Variants in SPRED1 observed in about 807,000 individuals in gnomAD.
The protein encoded by SPRED1 is sprouty related EVH1 domain containing 1, also known as sprouty-related, EVH1 domain-containing protein 1.
In SPRED1, 18 loss-of-function variants were observed where a neutral mutation model predicts 52.3. That is an observed-to-expected ratio of 0.34 (90% confidence interval 0.24 to 0.51). The LOEUF (loss-of-function observed/expected upper bound fraction) is 0.51, where lower values mean the gene tolerates loss of function less well. Among genes scored for constraint, SPRED1 ranks in the 20% least tolerant of loss-of-function variants. The pLI is 0.97. For missense variants in SPRED1, 485 were observed against 551.0 expected, an observed-to-expected ratio of 0.88 and a Z score of 1.20; for synonymous variants, 155 against 179.7, an observed-to-expected ratio of 0.86 and a Z score of 1.10.
intron 2 of SPRED1, among the ~76,000 whole-genome samples, chr15:38,311,401 T>C (rs952037505): frequency 3.3e-5 from 5 of 152,198 alleles, no homozygotes; most frequent in African/African-American, 1.2e-4. Context: ...CTTGGTACTG[T>C]TTTTGTTTAA....
At position 38,351,700 on chromosome 15, in the gene SPRED1, T is replaced by A; in HGVS notation, c.*36T>A. The A allele has an allele frequency of 6.2e-7, 1 of 1,603,948 alleles. No individual in the cohort carries two copies. Among genetic ancestry groups the A allele is most frequent in the Middle Eastern group, 1.7e-4 (1 of 6,030 alleles). Reference sequence around the variant, plus strand: ...TGCCAAAATGAGCTTAAAATCTTTGTTTCCAGGAATTAGCTAACTTGGATT... The same window carrying A: ...TGCCAAAATGAGCTTAAAATCTTTGATTCCAGGAATTAGCTAACTTGGATT... On this transcript the variant is annotated 3_prime_UTR_variant, in exon 7 of 7. Coordinates refer to ENST00000299084, the MANE Select transcript of SPRED1 (RefSeq NM_152594.3).
At chr15:38,294,493 A>G (rs1050457551) in intron 1 of SPRED1, among the ~76,000 whole-genome samples, 9 of 152,174 alleles carry the variant, frequency 5.9e-5, no homozygotes, top group Non-Finnish European at 1.2e-4. Flanking sequence ...GCAAATTACC[A>G]TAAACTTAGT....
intron 2 of SPRED1, among the ~76,000 whole-genome samples, chr15:38,313,046 CT>C (rs1427267724): frequency 6.6e-6 from 1 of 151,806 alleles, no homozygotes; most frequent in East Asian, 1.9e-4. Context: ...ACAAAAAACA[CT>C]TTTTTTCTGA....
At chr15:38,256,385 A>G (rs527809703) in intron 1 of SPRED1, among the ~76,000 whole-genome samples, 10 of 152,254 alleles carry the variant, frequency 6.6e-5, no homozygotes, top group African/African-American at 2.2e-4. Context: ...AGAGTTTTAA[A>G]CATTTAAAGG....
intron 1 of SPRED1, among the ~76,000 whole-genome samples, chr15:38,256,421 T>G (rs1311634033): frequency 6.6e-6 from 1 of 152,118 alleles, no homozygotes; most frequent in Non-Finnish European, 1.5e-5. Context: ...TTAAGAGTCT[T>G]TGTCCTTTGG....
intron 4 of SPRED1, among the ~76,000 whole-genome samples, chr15:38,325,602 T>C (rs937657473): frequency 6.6e-6 from 1 of 152,154 alleles, no homozygotes; most frequent in Non-Finnish European, 1.5e-5. Context: ...TTTTTTCTTA[T>C]GCCTTTCAAC....
chr15:38,309,227 G>A (rs1895313368), intron 2 of SPRED1, among the ~76,000 whole-genome samples: 1 of 152,062 alleles, frequency 6.6e-6, no homozygotes, highest in East Asian at 1.9e-4. Context: ...TACAACCTCT[G>A]CCTCCCGGGT....
Position 38,351,517 on chromosome 15 carries a change from C to G in SPRED1, c.1188C>G (p.Ser396Arg), listed in dbSNP as rs773409045. Reference sequence around the variant, plus strand: ...CTGATCCCTGTTCGTGTGACACTAGCGACGACAAGTTCTGCTTGCGATGGT... The same window carrying G: ...CTGATCCCTGTTCGTGTGACACTAGGGACGACAAGTTCTGCTTGCGATGGT... ...DFSDPCSCDT[S>R]DDKFCLRWLA... is the part of the protein sequence containing the mutation. The change falls in exon 7 of 7, where the codon AGC becomes AGG. Residue 396 changes from serine to arginine, a missense_variant. By Grantham distance (110) the Ser-to-Arg change is moderately radical. Coordinates refer to ENST00000299084, the MANE Select transcript of SPRED1 (RefSeq NM_152594.3). 6.2e-7 allele frequency: 1 copy of G among 1,614,070 alleles called. No individual in the cohort carries two copies. Among genetic ancestry groups the G allele is most frequent in the Non-Finnish European group, 8.5e-7 (1 of 1,180,008 alleles).
At chr15:38,346,553 C>G (rs1354663723) in intron 5 of SPRED1, among the ~76,000 whole-genome samples, 1 of 152,150 alleles carries the variant, frequency 6.6e-6, no homozygotes, top group Non-Finnish European at 1.5e-5. Flanking sequence ...CAATCTATAC[C>G]TTTGCCTTCA....
At chr15:38,264,947 A>C (rs1894278262) in intron 1 of SPRED1, among the ~76,000 whole-genome samples, 1 of 152,188 alleles carries the variant, frequency 6.6e-6, no homozygotes, top group Admixed American at 6.5e-5. Context: ...AGGTCTTATT[A>C]AGAACTTTAC....
intron 1 of SPRED1, among the ~76,000 whole-genome samples, chr15:38,256,265 C>T (rs1894094274): frequency 6.6e-6 from 1 of 152,080 alleles, no homozygotes; most frequent in South Asian, 2.1e-4. Flanking sequence ...TAGCCACATA[C>T]ATGTTTGTTT....
chr15:38,314,282 T>G (rs1003853361), intron 2 of SPRED1, among the ~76,000 whole-genome samples: 3 of 151,858 alleles, frequency 2.0e-5, no homozygotes, highest in Non-Finnish European at 4.4e-5. Context: ...AGACATATAT[T>G]CAGATATGTT....
At chr15:38,262,422 T>C (rs570610658) in intron 1 of SPRED1, among the ~76,000 whole-genome samples, 2 of 152,278 alleles carry the variant, frequency 1.3e-5, no homozygotes, top group Non-Finnish European at 2.9e-5. Context: ...AAGGAAGGCT[T>C]CAGGAAAGAA....
At chr15:38,300,694 G>A (rs1895134521) in intron 2 of SPRED1, among the ~76,000 whole-genome samples, 1 of 152,086 alleles carries the variant, frequency 6.6e-6, no homozygotes, top group Admixed American at 6.6e-5. Flanking sequence ...TGTATAATGT[G>A]TCTCAGCCAA....
intron 4 of SPRED1, among the ~76,000 whole-genome samples, chr15:38,336,422 GTATATATATATATAATAT>G (rs1400295906): frequency 1.4e-5 from 2 of 137,970 alleles, no homozygotes; most frequent in African/African-American, 5.4e-5. Context: ...GTATGTGTGT[GTATATATATATATAATAT>G]TATATATATG....
chr15:38,271,049 A>T (rs1194495018), intron 1 of SPRED1, among the ~76,000 whole-genome samples: 1 of 152,166 alleles, frequency 6.6e-6, no homozygotes, highest in Admixed American at 6.5e-5. Flanking sequence ...AATATTATAT[A>T]AAAATGATTC....
At chr15:38,290,787 A>T (rs1894907446) in intron 1 of SPRED1, among the ~76,000 whole-genome samples, 1 of 152,126 alleles carries the variant, frequency 6.6e-6, no homozygotes, top group African/African-American at 2.4e-5. Flanking sequence ...TAATGATTCC[A>T]TTACCTCCCC....
At chr15:38,290,235 G>C (rs16966652) in intron 1 of SPRED1, among the ~76,000 whole-genome samples, 13,768 of 152,174 alleles carry the variant, frequency 0.09, 755 homozygotes, top group East Asian at 0.21. Flanking sequence ...TAGACCAAGA[G>C]AATTTCAGAA....
intron 5 of SPRED1, among the ~76,000 whole-genome samples, chr15:38,342,347 A>G (rs1399460606): frequency 1.3e-5 from 2 of 152,070 alleles, no homozygotes; most frequent in Non-Finnish European, 2.9e-5. Flanking sequence ...TATCTACAGT[A>G]TCTTAACTCA....
Sources: gnomAD v4.1 joint callset for allele counts (sites outside exome capture counted in the v4.1 genomes callset) on GRCh38, gnomAD v4.1.1 for gene constraint, MANE v1.5 for transcripts, NCBI Gene and HGNC (gene_info 2026-07-23, HGNC 2026-07-21) for gene names.